The following DNAH11 variants were observed in gnomAD, a reference collection of about 807,000 sequenced individuals.
The protein encoded by DNAH11 is axonemal beta dynein heavy chain 11.
A neutral mutation model predicts 526.0 loss-of-function variants in DNAH11; 442 were observed. The ratio of observed to expected loss-of-function variants is 0.84; its 90% CI spans 0.78 to 0.91. The LOEUF (loss-of-function observed/expected upper bound fraction) is 0.91. Among genes scored for constraint, DNAH11 ranks in the 40% least tolerant of loss-of-function variants. The probability of loss-of-function intolerance (pLI) is 0.00; values close to 1 mark genes in which losing one functional copy is unlikely to be tolerated. For missense variants in DNAH11, 6,989 were observed against 5,448.7 expected (o/e 1.28, Z -8.90); for synonymous variants, 2,461 against 1,935.9 (o/e 1.27, Z -7.12).
At chr7:21,897,189 T>A (rs1350038939) in intron 79 of DNAH11, among the ~76,000 whole-genome samples, 1 of 152,146 alleles carries the variant, frequency 6.6e-6, no homozygotes, top group African/African-American at 2.4e-5. Context: ...TGACTGTTAT[T>A]CTCTTTTCCT....
At chr7:21,884,706 C>T (rs761789730) in intron 76 of DNAH11, among the ~76,000 whole-genome samples, 1 of 152,150 alleles carries the variant, frequency 6.6e-6, no homozygotes, top group South Asian at 2.1e-4. Flanking sequence ...ATGAGGTATG[C>T]AGAGCTGACG....
In DNAH11 at chr7:21,637,762, A is replaced by T. The variant is rs1786937299; in HGVS notation, c.4817+60A>T. 1.2e-5 allele frequency: 13 copies of T among 1,065,808 alleles called. No individual in the cohort carries two copies. The South Asian group carries it at 2.1e-4, about 17-fold the overall frequency. The allele number at this position is 1,065,808 out of a possible 1,614,324, so 66.0% of individuals were successfully genotyped here. A position where few individuals can be genotyped will look rare whatever the true frequency, so the allele number is the denominator to read the frequency against. ...TGTAATTTTATGAAGTCTTTTTCAC[A>T]TACCTAATAGTATTTAATACTGTGT... is the stretch of plus-strand genomic sequence containing the variant. On this transcript the variant is annotated intron_variant, in intron 27 of 81. Transcript: ENST00000409508.
rs1018931263 is a variant in DNAH11 at position 21,873,265 on chromosome 7, A to C, written c.11968-9A>C. ...CTTCACAGGAATTATGCACCATGCT[A>C]TCTTTCAGAATGTTCATTTGGTAGC... On this transcript the variant is annotated splice_polypyrimidine_tract_variant and intron_variant, in intron 73 of 81. Transcript: ENST00000409508. 5.7e-6 allele frequency: 9 copies of C among 1,568,902 alleles called. No homozygotes were observed. Among genetic ancestry groups the C allele is most frequent in the Middle Eastern group, 1.7e-4 (1 of 6,024 alleles).
intron 76 of DNAH11, among the ~76,000 whole-genome samples, chr7:21,891,760 AAAC>A (rs1308634746): frequency 2.6e-5 from 4 of 152,148 alleles, no homozygotes; most frequent in Non-Finnish European, 4.4e-5. Context: ...TGTGGATCCT[AAAC>A]AACAGACTTT....
chr7:21,830,943 T>C lies in DNAH11; in HGVS notation c.10692-11601T>C, dbSNP rs74914859. 4.1e-3 allele frequency among the ~76,000 whole-genome samples: 624 copies of C among 152,272 alleles called. 4 individuals carry two copies. The highest frequency in any genetic ancestry group is 0.014 in the African/African-American group (599 of 41,550). ...CTTCTCATCTCCAAACCAGCAAATCTCAGCCAGTGGGAAGAGACAGAGGAG... is the reference window on the plus strand; with the variant it reads ...CTTCTCATCTCCAAACCAGCAAATCCCAGCCAGTGGGAAGAGACAGAGGAG... On this transcript the variant is annotated intron_variant, in intron 65 of 81. Coordinates refer to ENST00000409508, the MANE Select transcript of DNAH11 (RefSeq NM_001277115.2).
chr7:21,858,628 C>T (rs1782944391), intron 68 of DNAH11, among the ~76,000 whole-genome samples: 2 of 152,122 alleles, frequency 1.3e-5, no homozygotes, highest in African/African-American at 4.8e-5. Flanking sequence ...GAGTATATAC[C>T]ATATGATGCT....
chr7:21,703,863 T>C (rs1361774517), intron 37 of DNAH11: 1 of 152,226 alleles, frequency 6.6e-6, no homozygotes, highest in African/African-American at 2.4e-5. Flanking sequence ...CTTTTCCTCT[T>C]AATTTCCTCG....
intron 48 of DNAH11, among the ~76,000 whole-genome samples, chr7:21,740,226 A>C (rs1436781620): frequency 6.6e-6 from 1 of 152,082 alleles, no homozygotes; most frequent in Non-Finnish European, 1.5e-5. Flanking sequence ...ATTGTTGTAA[A>C]ATACATGTTA....
chr7:21,759,245 A>G (rs1044230439), intron 54 of DNAH11, among the ~76,000 whole-genome samples: 10 of 152,198 alleles, frequency 6.6e-5, no homozygotes, highest in Non-Finnish European at 1.5e-4. Context: ...AGAAAGAAAA[A>G]TTAACTAAAA....
intron 68 of DNAH11, among the ~76,000 whole-genome samples, chr7:21,857,652 G>T (rs116921335): frequency 0.034 from 5,232 of 152,202 alleles, 136 homozygotes; most frequent in South Asian, 0.13. Context: ...GGAACAGATT[G>T]GAGAATCCCG....
At chr7:21,843,685 T>C (rs1782305374) in intron 66 of DNAH11, among the ~76,000 whole-genome samples, 1 of 151,924 alleles carries the variant, frequency 6.6e-6, no homozygotes, top group Non-Finnish European at 1.5e-5. Flanking sequence ...TTCACCATAT[T>C]TGCCAGGCTG....
At chr7:21,590,879 T>C in intron 12 of DNAH11, 39 bp from the exon 13 acceptor site, 1 of 1,193,232 alleles carries the variant, frequency 8.4e-7, no homozygotes, top group Non-Finnish European at 1.1e-6. Flanking sequence ...AATGACATTA[T>C]GAAAATATGC....
intron 51 of DNAH11, among the ~76,000 whole-genome samples, chr7:21,747,043 A>G (rs1332496472): frequency 6.6e-6 from 1 of 152,222 alleles, no homozygotes; most frequent in East Asian, 1.9e-4. Flanking sequence ...TGATTTACTC[A>G]GCATTAGAGG....
At chr7:21,817,519 CAAAAA>C (rs10532841) in intron 64 of DNAH11, among the ~76,000 whole-genome samples, 4 of 86,424 alleles carry the variant, frequency 4.6e-5, no homozygotes, top group South Asian at 4.5e-4. Flanking sequence ...CCATCTCTAC[CAAAAA>C]AAAAAAAAAA....
chr7:21,729,814 A>C (rs1397726836), intron 45 of DNAH11, among the ~76,000 whole-genome samples: 1 of 152,180 alleles, frequency 6.6e-6, no homozygotes, highest in East Asian at 1.9e-4. Context: ...CCTGCACCTT[A>C]AAACTATTCT....
At chr7:21,820,938 C>T (rs1343195150) in intron 65 of DNAH11, among the ~76,000 whole-genome samples, 1 of 152,052 alleles carries the variant, frequency 6.6e-6, no homozygotes, top group Non-Finnish European at 1.5e-5. Flanking sequence ...GGGGCGTGGA[C>T]CTAGAGTCAG....
At chr7:21,843,077 A>C (rs1046504384) in intron 66 of DNAH11, among the ~76,000 whole-genome samples, 3 of 152,214 alleles carry the variant, frequency 2.0e-5, no homozygotes, top group Non-Finnish European at 2.9e-5. Context: ...CTAAAGAATG[A>C]AAAAGAGGTA....
intron 42 of DNAH11, among the ~76,000 whole-genome samples, chr7:21,715,827 G>C (rs971212574): frequency 1.3e-5 from 2 of 150,694 alleles, no homozygotes; most frequent in Admixed American, 6.7e-5. Context: ...TGGTGTGATT[G>C]ATCCCTAGTA....
chr7:21,787,483 A>G lies in DNAH11; in HGVS notation c.9824A>G (p.Tyr3275Cys), dbSNP rs536938755. The change falls in exon 60 of 82, where the codon TAT becomes TGT. Residue 3275 changes from tyrosine (Y) to cysteine (C), a missense_variant. By Grantham distance (194) the Tyr-to-Cys change is radical. Coordinates refer to ENST00000409508, the MANE Select transcript of DNAH11 (RefSeq NM_001277115.2). ...TGTCTAAAAGTGGTGAATGAACACT[A>G]TTTGAAAGACCCAGAGTTTAATCCA... ...ENCLKVVNEH[Y>C]LKDPEFNPNL... 1 of 1,613,864 alleles carries G rather than the reference A, an allele frequency of 6.2e-7. No individual in the cohort carries two copies. Among genetic ancestry groups the G allele is most frequent in the Non-Finnish European group, 8.5e-7 (1 of 1,179,758 alleles).
Sources: allele counts gnomAD v4.1 joint callset (sites outside exome capture counted in the v4.1 genomes callset), GRCh38; gene constraint gnomAD v4.1.1; transcripts MANE v1.5; gene names NCBI Gene and HGNC (gene_info 2026-07-23, HGNC 2026-07-21).